SCN7A: variants seen among roughly 807,000 people sequenced by gnomAD.
SCN7A encodes the protein sodium voltage-gated channel alpha subunit 7.
A neutral mutation model predicts 155.2 loss-of-function variants in SCN7A; 138 were observed. The observed-to-expected ratio is 0.89, with a 90% confidence interval of 0.77 to 1.02. The LOEUF (loss-of-function observed/expected upper bound fraction) is 1.02, where lower values mean the gene tolerates loss of function less well. Among genes scored for constraint, SCN7A ranks in the 50% least tolerant of loss-of-function variants. The pLI, the probability that SCN7A is intolerant of heterozygous loss-of-function variation, is 0.00. For missense variants in SCN7A, 2,058 were observed against 1,986.6 expected (o/e 1.04, Z -0.68); for synonymous variants, 693 against 649.0 (o/e 1.07, Z -1.03).
Position 166,465,460 on chromosome 2 carries a change from A to C in SCN7A, c.941+2T>G, listed in dbSNP as rs746607098. ...TAATAGAATAAAACTAATACCACCT[A>C]CCCAGCATCTGTCCTGTTGCCACAA... is the stretch of plus-strand genomic sequence containing the variant. On this transcript the variant is annotated splice_donor_variant, in intron 9 of 25. Coordinates refer to ENST00000643258, the MANE Select transcript of SCN7A (RefSeq NM_002976.4). LOFTEE classifies it high-confidence loss of function. 1 of 1,601,686 alleles carries C rather than the reference A, an allele frequency of 6.2e-7. No individual in the cohort carries two copies. Among genetic ancestry groups the C allele is most frequent in the Non-Finnish European group, 8.5e-7 (1 of 1,170,476 alleles).
chr2:166,473,900 T>C lies in SCN7A; in HGVS notation c.354-12A>G. On this transcript the variant is annotated splice_polypyrimidine_tract_variant and intron_variant, in intron 4 of 25. Transcript: ENST00000643258. ...ACAGTTGGAAAAAGGTAGCTTATAG[T>C]CAAGGAATAATAGTTAATAAATAAT... is the stretch of plus-strand genomic sequence containing the variant. The C allele has an allele frequency of 7.2e-7, 1 of 1,390,642 alleles. No homozygotes were observed. The highest frequency in any genetic ancestry group is 1.3e-5 in the South Asian group (1 of 79,994). The allele number at this position is 1,390,642 out of a possible 1,614,324, so 86.1% of individuals were successfully genotyped here.
At chr2:166,432,900 T>C (rs1408208084) in intron 15 of SCN7A, 148 bp from the exon 16 acceptor site, 5 of 599,520 alleles carry the variant, frequency 8.3e-6, no homozygotes, top group Middle Eastern at 4.4e-4. Flanking sequence ...TTAATAACTG[T>C]AGTCACCATG....
At chr2:166,445,147 C>A (rs539228292) in intron 12 of SCN7A, 147 bp from the exon 13 acceptor site, 1 of 595,472 alleles carries the variant, frequency 1.7e-6, no homozygotes, top group East Asian at 2.8e-5. Context: ...GAAACTTTGT[C>A]TCTACAAAAA....
rs1416859085 is a variant in SCN7A, at chr2:166,447,627, G to C, written c.1372C>G (p.Leu458Val). ...TSLDVLEDAT[L>V]RHKEELEKSK... ...AGTACTTTACCTTCCTTATGTCTGAGAGTAGCATCTTCCAACACATCCAAT... is the reference window on the plus strand; with the variant it reads ...AGTACTTTACCTTCCTTATGTCTGACAGTAGCATCTTCCAACACATCCAAT... The change falls in exon 12 of 26, where the codon CTC (leucine) becomes GTC (valine). Residue 458 changes from leucine to valine, a missense_variant. By Grantham distance (32) the Leu-to-Val change is conservative. Transcript: ENST00000643258. The C allele has an allele frequency of 2.5e-6, 4 of 1,609,242 alleles. No homozygotes were observed. The highest frequency in any genetic ancestry group is 3.4e-6 in the Non-Finnish European group (4 of 1,176,062).
At position 166,416,063 on chromosome 2, in the gene SCN7A, G is replaced by A. The variant is rs146780509; in HGVS notation, c.3414+644C>T. Reference sequence around the variant, plus strand: ...GTCTATAAACAGCCACTCTGGGAATGTCTGTCCTATGCAGTTGAGATAAGG... The same window carrying A: ...GTCTATAAACAGCCACTCTGGGAATATCTGTCCTATGCAGTTGAGATAAGG... On this transcript the variant is annotated intron_variant, in intron 21 of 25. Transcript: ENST00000643258. Among the ~76,000 whole-genome samples the A allele has an allele frequency of 5.2e-4, 79 of 152,246 alleles. No homozygotes were observed. In the East Asian group the frequency reaches 0.015, roughly 29 times the overall value.
rs78397239 is a variant in SCN7A, at chr2:166,408,984, T to C, written c.3982+681A>G. 5.1e-3 allele frequency among the ~76,000 whole-genome samples: 768 copies of C among 152,048 alleles called. 40 individuals are homozygous for C. In the East Asian group the frequency reaches 0.11, roughly 22 times the overall value. ...ACCTCTACTTACTGATTAGGTGACC[T>C]CCTTCTGCTGTGTTGCTGCAGCACC... On this transcript the variant is annotated intron_variant, in intron 25 of 25. Coordinates refer to ENST00000643258, the MANE Select transcript of SCN7A (RefSeq NM_002976.4).
intron 16 of SCN7A, among the ~76,000 whole-genome samples, 161 bp from the exon 17 acceptor site, chr2:166,429,435 C>A (rs536697063): frequency 6.6e-6 from 1 of 152,002 alleles, no homozygotes; most frequent in East Asian, 1.9e-4. Context: ...GATTAAAATG[C>A]GTACATATTG....
chr2:166,455,820 T>TAA (rs1355459280), intron 11 of SCN7A, among the ~76,000 whole-genome samples: 1 of 152,224 alleles, frequency 6.6e-6, no homozygotes, highest in Non-Finnish European at 1.5e-5. Context: ...TTTTTGCCAC[T>TAA]GATTCTGTTT....
chr2:166,430,745 T>C, intron 16 of SCN7A, among the ~76,000 whole-genome samples: 1 of 151,884 alleles, frequency 6.6e-6, no homozygotes, highest in East Asian at 1.9e-4. Flanking sequence ...AATATGTAAA[T>C]ATATATGCAT....
intron 11 of SCN7A, among the ~76,000 whole-genome samples, chr2:166,452,648 C>T (rs1012611706): frequency 6.6e-6 from 1 of 151,972 alleles, no homozygotes; most frequent in Non-Finnish European, 1.5e-5. Context: ...GATTATCTTC[C>T]TGAGATTTTG....
rs373574878 is a variant in SCN7A, at chr2:166,409,768, T to C, written c.3879A>G (p.Leu1293=). The C allele has an allele frequency of 9.2e-5, 144 of 1,564,548 alleles. No individual in the cohort carries two copies. The highest frequency in any genetic ancestry group is 1.1e-4 in the Non-Finnish European group (128 of 1,152,678). The change falls in exon 25 of 26, where the codon CTA becomes CTG. Residue 1293 remains leucine (L), a synonymous_variant. Coordinates refer to ENST00000643258, the MANE Select transcript of SCN7A (RefSeq NM_002976.4). ...GCTTCAGTATACATTCCATAGTATA[T>C]AGCATAACAAAAATTGAGTTAATCC... ...LYWINSIFVM[L]YTMECILKLI...
At chr2:166,415,951 C>T (rs1190023925) in intron 21 of SCN7A, among the ~76,000 whole-genome samples, 1 of 151,962 alleles carries the variant, frequency 6.6e-6, no homozygotes, top group Non-Finnish European at 1.5e-5. Context: ...AATGGACGTG[C>T]AAGTAGGGAA....
rs553774058 is a variant in SCN7A, at chr2:166,461,128, C to T, written c.1083+1261G>A. ...TTTGGTCTATTTGATTTCCATTTAA[C>T]AATATATTATGAAACTTTGTCTGTG... On this transcript the variant is annotated intron_variant, in intron 10 of 25. Transcript: ENST00000643258. Among the ~76,000 whole-genome samples the T allele has an allele frequency of 7.3e-4, 89 of 122,010 alleles. 5 individuals carry two copies. In the South Asian group the frequency reaches 0.024, roughly 33 times the overall value. The allele number at this position is 122,010 out of a possible 152,430, so 80.0% of individuals were successfully genotyped here.
At position 166,429,236 on chromosome 2, in the gene SCN7A, A is replaced by C. The variant is rs774206490; in HGVS notation, c.2631T>G (p.Val877=). The change falls in exon 17 of 26, where the codon GTT becomes GTG. Residue 877 remains valine, a synonymous_variant. Transcript: ENST00000643258. ...KQSSSSECST[V]DIAISEEEEM... Reference sequence around the variant, plus strand: ...CTTCTTCTTCAGAGATAGCAATATCAACAGTACTGCATTCAGATGAGCTAG... The same window carrying C: ...CTTCTTCTTCAGAGATAGCAATATCCACAGTACTGCATTCAGATGAGCTAG... 4.5e-6 allele frequency: 7 copies of C among 1,547,434 alleles called. No homozygotes were observed. The highest frequency in any genetic ancestry group is 1.4e-5 in the African/African-American group (1 of 73,098).
intron 1 of SCN7A, among the ~76,000 whole-genome samples, chr2:166,489,397 AATATTTCT>A (rs1406331184): frequency 1.3e-5 from 2 of 152,190 alleles, no homozygotes; most frequent in African/African-American, 4.8e-5. Context: ...CTTTCCAGTT[AATATTTCT>A]ATATTACTTG....
In SCN7A at chr2:166,474,304, A is replaced by C; in HGVS notation, c.275T>G (p.Phe92Cys). The C allele has an allele frequency of 6.5e-7, 1 of 1,529,158 alleles. No homozygotes were observed. The highest frequency in any genetic ancestry group is 8.8e-7 in the Non-Finnish European group (1 of 1,132,736). The allele number at this position is 1,529,158 out of a possible 1,614,324, so 94.7% of individuals were successfully genotyped here. ...VLNKNRTIFR[F>C]NAASILCTLS... The stretch of plus-strand genomic sequence containing the variant: ...TGTACACAAGATGGAAGCCGCATTG[A>C]ATCTGAAGATTGTTCTATTTTTATT... The change falls in exon 4 of 26, where the codon TTC becomes TGC. Residue 92 changes from phenylalanine (F) to cysteine (C), a missense_variant. By Grantham distance (205) the Phe-to-Cys change is radical. Transcript: ENST00000643258.
At chr2:166,485,826 A>T (rs1363750060) in intron 2 of SCN7A, among the ~76,000 whole-genome samples, 3 of 152,154 alleles carry the variant, frequency 2.0e-5, no homozygotes, top group Non-Finnish European at 2.9e-5. Flanking sequence ...ATTCTAAATT[A>T]TCCTTTGTTA....
intron 15 of SCN7A, among the ~76,000 whole-genome samples, chr2:166,434,330 T>C (rs1024792129): frequency 6.6e-6 from 1 of 152,168 alleles, no homozygotes; most frequent in African/African-American, 2.4e-5. Flanking sequence ...TAGATAATCT[T>C]ATCCATAGTT....
At chr2:166,458,068 T>A (rs1702324058) in intron 10 of SCN7A, among the ~76,000 whole-genome samples, 5 of 152,202 alleles carry the variant, frequency 3.3e-5, no homozygotes, top group Admixed American at 6.5e-5. Flanking sequence ...TAGGATTGGT[T>A]AAATATTTTA....
Sources: gnomAD v4.1 joint callset for allele counts (sites outside exome capture counted in the v4.1 genomes callset) on GRCh38, gnomAD v4.1.1 for gene constraint, MANE v1.5 for transcripts, NCBI Gene and HGNC (gene_info 2026-07-23, HGNC 2026-07-21) for gene names.